Variants in KIRREL3 observed in about 807,000 individuals in gnomAD.
The protein encoded by KIRREL3 is kirre like nephrin family adhesion molecule 3, also known as kin of IRRE-like protein 3.
A neutral mutation model predicts 89.7 loss-of-function variants in KIRREL3; 36 were observed. The ratio of observed to expected loss-of-function variants is 0.40; its 90% CI spans 0.31 to 0.53. The LOEUF (loss-of-function observed/expected upper bound fraction) is 0.53, where lower values mean the gene tolerates loss of function less well. Among genes scored for constraint, KIRREL3 ranks in the 20% least tolerant of loss-of-function variants. The pLI, the probability that KIRREL3 is intolerant of heterozygous loss-of-function variation, is 0.49. For missense variants in KIRREL3, 864 were observed against 1,056.6 expected, an observed-to-expected ratio of 0.82 and a Z score of 2.53; for synonymous variants, 445 against 441.4, an observed-to-expected ratio of 1.01 and a Z score of -0.10.
intron 7 of KIRREL3, among the ~76,000 whole-genome samples, chr11:126,450,979 G>A (rs559388869): frequency 6.6e-6 from 1 of 151,608 alleles, no homozygotes; most frequent in East Asian, 2.0e-4. Flanking sequence ...GCATGGGTGT[G>A]TGCATGTGTC....
chr11:126,557,447 T>C lies in KIRREL3; in HGVS notation c.133+5388A>G, dbSNP rs1278138841. On this transcript the variant is annotated intron_variant, in intron 2 of 16. Transcript: ENST00000525144. This position sits in a 1 kb window ranked among gnomAD's most constrained non-coding sequence, Gnocchi z 5.6. ...CAAGATAGATTTTTGAATCATCACA[T>C]TTTAGAGACATACAGGTCATCTTAT... Among the ~76,000 whole-genome samples, 4 of 152,136 alleles carry C rather than the reference T, an allele frequency of 2.6e-5. No homozygotes were observed. The highest frequency in any genetic ancestry group is 9.7e-5 in the African/African-American group (4 of 41,416).
rs985162276 is a variant in KIRREL3 at position 126,537,699 on chromosome 11, TCA to T, written c.134-11014_134-11013del. On this transcript the variant is annotated intron_variant, in intron 2 of 16. Transcript: ENST00000525144. The surrounding 1 kb of genome is among the most constrained non-coding windows in gnomAD (Gnocchi z 4.3). Reference sequence around the variant, plus strand: ...GCCAGTGACTCACCCTTTCTGAGCTTCAGTTTCCCTATCTGAAAAATGGGGAT... The same window carrying T: ...GCCAGTGACTCACCCTTTCTGAGCTTGTTTCCCTATCTGAAAAATGGGGAT... 3.9e-5 allele frequency among the ~76,000 whole-genome samples: 6 copies of T among 152,170 alleles called. No individual in the cohort carries two copies. The highest frequency in any genetic ancestry group is 1.4e-4 in the African/African-American group (6 of 41,430).
intron 2 of KIRREL3, among the ~76,000 whole-genome samples, chr11:126,547,321 T>C (rs564280255): frequency 6.6e-6 from 1 of 152,362 alleles, no homozygotes; most frequent in Non-Finnish European, 1.5e-5. Context: ...TGTATTAGTG[T>C]CTCTGAGAAG....
intron 1 of KIRREL3, among the ~76,000 whole-genome samples, chr11:126,593,347 C>T (rs775248419): frequency 3.3e-5 from 5 of 152,328 alleles, no homozygotes; most frequent in African/African-American, 4.8e-5. Flanking sequence ...AGCATTTCCA[C>T]GCCACCAGCT....
At chr11:126,450,885 GCA>G (rs1289313734) in intron 7 of KIRREL3, among the ~76,000 whole-genome samples, 2 of 147,802 alleles carry the variant, frequency 1.4e-5, no homozygotes, top group South Asian at 2.1e-4. Flanking sequence ...GTGCATGTGT[GCA>G]TGTGCGTGTG....
intron 1 of KIRREL3, among the ~76,000 whole-genome samples, chr11:126,745,411 A>G (rs765767540): frequency 5.9e-5 from 9 of 152,116 alleles, no homozygotes; most frequent in Non-Finnish European, 1.3e-4. Context: ...GAATTTTACA[A>G]TGTGGTCACC....
intron 1 of KIRREL3, among the ~76,000 whole-genome samples, chr11:126,673,669 A>T (rs886824050): frequency 2.6e-5 from 4 of 152,224 alleles, no homozygotes; most frequent in Non-Finnish European, 5.9e-5. Context: ...TGTGCCTTCC[A>T]TGGGATGTCC....
rs1957062421 is a variant in KIRREL3 at position 126,476,302 on chromosome 11, A to G, written c.434-2836T>C. Reference sequence around the variant, plus strand: ...GGAGCTCCCCAGGGGGTCCCATGGCAGGACCAGCTTTCTGGGCTCTGGACT... The same window carrying G: ...GGAGCTCCCCAGGGGGTCCCATGGCGGGACCAGCTTTCTGGGCTCTGGACT... On this transcript the variant is annotated intron_variant, in intron 4 of 16. Coordinates refer to ENST00000525144, the MANE Select transcript of KIRREL3 (RefSeq NM_032531.4). This position sits in a 1 kb window ranked among gnomAD's most constrained non-coding sequence, Gnocchi z 6.4. Among the ~76,000 whole-genome samples, 1 of 152,174 alleles carries G rather than the reference A, an allele frequency of 6.6e-6. No individual in the cohort carries two copies.
At chr11:126,767,468 G>A (rs1243131833) in intron 1 of KIRREL3, among the ~76,000 whole-genome samples, 1 of 152,194 alleles carries the variant, frequency 6.6e-6, no homozygotes, top group Non-Finnish European at 1.5e-5. Flanking sequence ...TTCCAGGGCA[G>A]CAGGGAACAG....
rs1232294805 is a variant in KIRREL3 at position 126,677,291 on chromosome 11, T to C, written c.56-114379A>G. On this transcript the variant is annotated intron_variant, in intron 1 of 16. Coordinates refer to ENST00000525144, the MANE Select transcript of KIRREL3 (RefSeq NM_032531.4). This position sits in a 1 kb window ranked among gnomAD's most constrained non-coding sequence, Gnocchi z 5.1. ...ACTAATTTACTTTCTGGCTAATGGA[T>C]TAATGAGGAGAGGCTATAGATTCCC... Among the ~76,000 whole-genome samples the C allele has an allele frequency of 1.3e-5, 2 of 152,150 alleles. No homozygotes were observed. Among genetic ancestry groups the C allele is most frequent in the East Asian group, 3.9e-4 (2 of 5,188 alleles).
chr11:126,990,216 C>G lies in KIRREL3; in HGVS notation c.55+10239G>C, dbSNP rs901228307. 1.3e-5 allele frequency among the ~76,000 whole-genome samples: 2 copies of G among 152,148 alleles called. No homozygotes were observed. The highest frequency in any genetic ancestry group is 2.9e-5 in the Non-Finnish European group (2 of 68,022). ...GTGGCAGGGAAACCCGTGTGGTGGGCTGAGCTTCCTCGCTCCCTCTCTTTG... is the reference window on the plus strand; with the variant it reads ...GTGGCAGGGAAACCCGTGTGGTGGGGTGAGCTTCCTCGCTCCCTCTCTTTG... On this transcript the variant is annotated intron_variant, in intron 1 of 16. Coordinates refer to ENST00000525144, the MANE Select transcript of KIRREL3 (RefSeq NM_032531.4). The surrounding 1 kb of genome is among the most constrained non-coding windows in gnomAD (Gnocchi z 6.3).
intron 2 of KIRREL3, chr11:126,549,882 G>C (rs1230683638): frequency 1.3e-5 from 2 of 152,200 alleles, no homozygotes; most frequent in African/African-American, 2.4e-5. Context: ...CAAGTTTCTT[G>C]TCTTTGGAGG....
chr11:126,917,923 T>C lies in KIRREL3; in HGVS notation c.55+82532A>G, dbSNP rs1947105220. 6.6e-6 allele frequency among the ~76,000 whole-genome samples: 1 copy of C among 152,234 alleles called. No individual in the cohort carries two copies. Among genetic ancestry groups the C allele is most frequent in the Non-Finnish European group, 1.5e-5 (1 of 68,048 alleles). On this transcript the variant is annotated intron_variant, in intron 1 of 16. Transcript: ENST00000525144. The surrounding 1 kb of genome is among the most constrained non-coding windows in gnomAD (Gnocchi z 5.0). ...AATTGTTGAACTCGATTTCACTTGG[T>C]GTGTGATGACACATCTTACAGTGAT...
Position 126,643,924 on chromosome 11 carries a change from GA to G in KIRREL3, c.56-81013del, listed in dbSNP as rs1944566682. Among the ~76,000 whole-genome samples, 1 of 152,314 alleles carries G rather than the reference GA, an allele frequency of 6.6e-6. No individual in the cohort carries two copies. Among genetic ancestry groups the G allele is most frequent in the African/African-American group, 2.4e-5 (1 of 41,562 alleles). On this transcript the variant is annotated intron_variant, in intron 1 of 16. Coordinates refer to ENST00000525144, the MANE Select transcript of KIRREL3 (RefSeq NM_032531.4). The surrounding 1 kb of genome is among the most constrained non-coding windows in gnomAD (Gnocchi z 4.5). ...GTCAACTCTAGCTCGAGAACACAGA[GA>G]AAAGGCAAGAGTTTTTGCAGGAAGG... is the stretch of plus-strand genomic sequence containing the variant.
In KIRREL3 at chr11:126,568,272, T is replaced by C. The variant is rs1182187992; in HGVS notation, c.56-5360A>G. Among the ~76,000 whole-genome samples, 3 of 150,172 alleles carry C rather than the reference T, an allele frequency of 2.0e-5. No individual in the cohort carries two copies. The highest frequency in any genetic ancestry group is 3.0e-5 in the Non-Finnish European group (2 of 67,040). On this transcript the variant is annotated intron_variant, in intron 1 of 16. Transcript: ENST00000525144. The surrounding 1 kb of genome is among the most constrained non-coding windows in gnomAD (Gnocchi z 4.6). ...AGACTTGCATTTCATAAAGGATCCC[T>C]TCAGCACTGGTGCAGATGATGGATG...
At chr11:126,875,594 A>G (rs1945256012) in intron 1 of KIRREL3, among the ~76,000 whole-genome samples, 1 of 152,218 alleles carries the variant, frequency 6.6e-6, no homozygotes, top group African/African-American at 2.4e-5. Context: ...GATAATTAAG[A>G]TGCTACCAAA....
intron 1 of KIRREL3, among the ~76,000 whole-genome samples, chr11:126,586,659 T>A (rs1415322599): frequency 6.6e-6 from 1 of 152,100 alleles, no homozygotes; most frequent in Non-Finnish European, 1.5e-5. Flanking sequence ...AGATTCAATG[T>A]TTACAACGCC....
In KIRREL3 at chr11:126,666,777, C is replaced by T. The variant is rs1945683466; in HGVS notation, c.56-103865G>A. Among the ~76,000 whole-genome samples the T allele has an allele frequency of 6.6e-6, 1 of 152,110 alleles. No homozygotes were observed. Among genetic ancestry groups the T allele is most frequent in the Admixed American group, 6.5e-5 (1 of 15,270 alleles). The stretch of plus-strand genomic sequence containing the variant: ...GGTCTTTCACCAGAAGAATAAAAGA[C>T]CATGCTTTTGAGGAGCCAGTCACTG... On this transcript the variant is annotated intron_variant, in intron 1 of 16. Coordinates refer to ENST00000525144, the MANE Select transcript of KIRREL3 (RefSeq NM_032531.4). The surrounding 1 kb of genome is among the most constrained non-coding windows in gnomAD (Gnocchi z 4.2).
chr11:126,829,509 C>CA (rs5795529), intron 1 of KIRREL3, among the ~76,000 whole-genome samples: 131,287 of 152,074 alleles, frequency 0.86, 57,021 homozygotes, highest in East Asian at 1. Flanking sequence ...TCAAGGACCT[C>CA]GTGTGGTCTT....
Sources: gnomAD v4.1 joint callset for allele counts (sites outside exome capture counted in the v4.1 genomes callset) on GRCh38, gnomAD v4.1.1 for gene constraint, Gnocchi (gnomAD v3.1) non-coding constraint, MANE v1.5 for transcripts, NCBI Gene and HGNC (gene_info 2026-07-23, HGNC 2026-07-21) for gene names.